SPOCK3: variants seen among roughly 807,000 people sequenced by gnomAD.
The protein encoded by SPOCK3 is SPARC (osteonectin), cwcv and kazal like domains proteoglycan 3.
Under a neutral mutation model 56.6 loss-of-function variants are expected in SPOCK3, and 30 were observed. The ratio of observed to expected loss-of-function variants is 0.53; its 90% CI spans 0.40 to 0.72. The LOEUF is 0.72. Among genes scored for constraint, SPOCK3 ranks in the 30% least tolerant of loss-of-function variants. SPOCK3 has a pLI of 0.00. For synonymous variants in SPOCK3, 196 were observed against 183.3 expected (o/e 1.07, Z -0.56); for missense variants, 527 against 530.0 (o/e 0.99, Z 0.06).
At chr4:166,953,276 A>G (rs531405378) in intron 4 of SPOCK3, among the ~76,000 whole-genome samples, 2 of 152,362 alleles carry the variant, frequency 1.3e-5, no homozygotes, top group South Asian at 4.1e-4. Context: ...TGGGCGAAGG[A>G]CATGAACAGA....
intron 2 of SPOCK3, among the ~76,000 whole-genome samples, chr4:167,114,769 A>T (rs1335668584): frequency 1.3e-5 from 2 of 152,098 alleles, no homozygotes; most frequent in Non-Finnish European, 2.9e-5. Flanking sequence ...CTCAGCCTTG[A>T]TATGACTCAA....
At chr4:166,808,445 ATT>A (rs1743408346) in intron 6 of SPOCK3, among the ~76,000 whole-genome samples, 1 of 151,170 alleles carries the variant, frequency 6.6e-6, no homozygotes, top group Non-Finnish European at 1.5e-5. Flanking sequence ...CAAAGAAGAA[ATT>A]CTCTCTCTCT....
chr4:167,044,323 C>A (rs890309616), intron 3 of SPOCK3, among the ~76,000 whole-genome samples: 1 of 151,782 alleles, frequency 6.6e-6, no homozygotes, highest in Admixed American at 6.6e-5. Context: ...TAATTTGTGA[C>A]CCTTCTTTTT....
chr4:167,042,715 C>T (rs1037004715), intron 3 of SPOCK3, among the ~76,000 whole-genome samples: 1 of 152,102 alleles, frequency 6.6e-6, no homozygotes, highest in Non-Finnish European at 1.5e-5. Context: ...AAAAGGCTTT[C>T]ATTAGAACAT....
intron 2 of SPOCK3, among the ~76,000 whole-genome samples, chr4:167,203,003 G>C (rs1414523727): frequency 2.0e-5 from 3 of 151,078 alleles, no homozygotes; most frequent in African/African-American, 7.3e-5. Context: ...TTTGATATTT[G>C]TATTGATGCA....
chr4:167,087,274 G>C (rs1265188016), intron 2 of SPOCK3, among the ~76,000 whole-genome samples: 1 of 151,948 alleles, frequency 6.6e-6, no homozygotes, highest in African/African-American at 2.4e-5. Flanking sequence ...CAAGACCACA[G>C]AGCTTATAAA....
chr4:167,180,419 G>A (rs894473204), intron 2 of SPOCK3, among the ~76,000 whole-genome samples: 1 of 152,178 alleles, frequency 6.6e-6, no homozygotes, highest in Non-Finnish European at 1.5e-5. Context: ...CATGTGAGCA[G>A]CAGCCTGAGA....
At chr4:167,011,787 T>C (rs907633279) in intron 3 of SPOCK3, among the ~76,000 whole-genome samples, 1 of 152,098 alleles carries the variant, frequency 6.6e-6, no homozygotes, top group Non-Finnish European at 1.5e-5. Flanking sequence ...TTGGAGACCA[T>C]TAACCTTGTA....
At chr4:166,958,670 T>C (rs1230739493) in intron 4 of SPOCK3, among the ~76,000 whole-genome samples, 1 of 152,172 alleles carries the variant, frequency 6.6e-6, no homozygotes, top group African/African-American at 2.4e-5. Flanking sequence ...ATATATCACA[T>C]ACAAGGAAGG....
At chr4:166,829,946 T>C (rs562278916) in intron 6 of SPOCK3, among the ~76,000 whole-genome samples, 45 of 152,306 alleles carry the variant, frequency 3.0e-4, no homozygotes, top group Admixed American at 2.0e-3. Flanking sequence ...TCTATGTCTC[T>C]TGAAAATTTG....
intron 4 of SPOCK3, among the ~76,000 whole-genome samples, chr4:166,991,523 C>T (rs1399614614): frequency 6.6e-6 from 1 of 151,934 alleles, no homozygotes; most frequent in Non-Finnish European, 1.5e-5. Flanking sequence ...GCATGCGCCA[C>T]AACACCCTGC....
At chr4:167,038,261 T>G (rs1465645307) in intron 3 of SPOCK3, among the ~76,000 whole-genome samples, 1 of 152,180 alleles carries the variant, frequency 6.6e-6, no homozygotes, top group Non-Finnish European at 1.5e-5. Context: ...TAGGACACTT[T>G]CAGTTGGACA....
chr4:166,735,730 T>C (rs1734154630), intron 10 of SPOCK3, among the ~76,000 whole-genome samples: 2 of 151,770 alleles, frequency 1.3e-5, no homozygotes, highest in Non-Finnish European at 2.9e-5. Flanking sequence ...CTCTAAGAGG[T>C]GAAAAGGGCA....
chr4:167,036,317 A>G (rs1241008376), intron 3 of SPOCK3, among the ~76,000 whole-genome samples: 2 of 152,204 alleles, frequency 1.3e-5, no homozygotes, highest in African/African-American at 2.4e-5. Context: ...AAGTAAAAAA[A>G]CACCCAAAGT....
At chr4:166,892,622 G>A (rs996347444) in intron 5 of SPOCK3, among the ~76,000 whole-genome samples, 2 of 151,868 alleles carry the variant, frequency 1.3e-5, no homozygotes, top group African/African-American at 2.4e-5. Flanking sequence ...AGGTATATGT[G>A]AACTAAAATA....
chr4:167,118,805 A>G (rs575647325), intron 2 of SPOCK3, among the ~76,000 whole-genome samples: 11 of 152,276 alleles, frequency 7.2e-5, no homozygotes, highest in African/African-American at 2.6e-4. Context: ...TCTTTTGGCT[A>G]TTTTGTTACT....
chr4:167,050,808 T>C (rs1268646753), intron 3 of SPOCK3, among the ~76,000 whole-genome samples: 1 of 152,062 alleles, frequency 6.6e-6, no homozygotes, highest in African/African-American at 2.4e-5. Context: ...AGGACAAAGA[T>C]TGTATGATTC....
intron 8 of SPOCK3, among the ~76,000 whole-genome samples, chr4:166,752,577 C>T (rs1346795728): frequency 0.049 from 353 of 7,148 alleles, 2 homozygotes; most frequent in African/African-American, 0.26. Flanking sequence ...TATATATACA[C>T]ACACACACAC....
chr4:167,135,923 G>A (rs893939096), intron 2 of SPOCK3, among the ~76,000 whole-genome samples: 5 of 152,182 alleles, frequency 3.3e-5, no homozygotes, highest in Admixed American at 3.3e-4. Context: ...AATGTCCTAT[G>A]AAGAATAGAC....
Sources: allele counts gnomAD v4.1 joint callset (sites outside exome capture counted in the v4.1 genomes callset), GRCh38; gene constraint gnomAD v4.1.1; transcripts MANE v1.5; gene names NCBI Gene and HGNC (gene_info 2026-07-23, HGNC 2026-07-21).